Variants in FAF1 observed in about 807,000 individuals in gnomAD.
The protein encoded by FAF1 is Fas associated factor 1.
A neutral mutation model predicts 92.5 loss-of-function variants in FAF1; 25 were observed. The ratio of observed to expected loss-of-function variants is 0.27; its 90% CI spans 0.20 to 0.38. The LOEUF (loss-of-function observed/expected upper bound fraction) is 0.38, where lower values mean the gene tolerates loss of function less well. FAF1 is among the 10% of genes least tolerant of loss of function. FAF1 has a pLI of 1.00. For synonymous variants in FAF1, 234 were observed against 273.2 expected, an observed-to-expected ratio of 0.86 and a Z score of 1.42; for missense variants, 636 against 793.3, an observed-to-expected ratio of 0.80 and a Z score of 2.38.
chr1:50,677,317 C>T (rs1656166444), intron 7 of FAF1, among the ~76,000 whole-genome samples: 1 of 152,074 alleles, frequency 6.6e-6, no homozygotes, highest in Non-Finnish European at 1.5e-5. Context: ...GTAGGTAACA[C>T]TTTTTTGAGG....
intron 15 of FAF1, among the ~76,000 whole-genome samples, chr1:50,524,506 T>C (rs1647689720): frequency 6.6e-6 from 1 of 152,248 alleles, no homozygotes. Flanking sequence ...TCTAGGGTTT[T>C]TATAGTTTTG....
chr1:50,551,791 C>T (rs1387369758), intron 13 of FAF1, among the ~76,000 whole-genome samples: 2 of 152,176 alleles, frequency 1.3e-5, no homozygotes, highest in Non-Finnish European at 2.9e-5. Context: ...GAAATTCAAT[C>T]TGTAGAATGC....
intron 1 of FAF1, among the ~76,000 whole-genome samples, chr1:50,928,483 T>C (rs1378586535): frequency 6.6e-6 from 1 of 152,126 alleles, no homozygotes; most frequent in Admixed American, 6.6e-5. Context: ...GTGTTCTGTA[T>C]TTAAAAACTG....
chr1:50,910,301 G>C (rs1644874369), intron 1 of FAF1, among the ~76,000 whole-genome samples: 1 of 152,216 alleles, frequency 6.6e-6, no homozygotes, highest in Non-Finnish European at 1.5e-5. Flanking sequence ...CTACTGGGAG[G>C]TGTCTCCCAG....
chr1:50,538,467 G>A (rs1393257600), intron 14 of FAF1, among the ~76,000 whole-genome samples: 2 of 151,160 alleles, frequency 1.3e-5, no homozygotes, highest in Non-Finnish European at 2.9e-5. Flanking sequence ...TTTGTGTTAT[G>A]GCTTTGATTC....
At chr1:50,673,461 T>C (rs1013629479) in intron 7 of FAF1, among the ~76,000 whole-genome samples, 5 of 152,200 alleles carry the variant, frequency 3.3e-5, no homozygotes, top group African/African-American at 9.7e-5. Context: ...TATTATTTTG[T>C]AGTAGTGACT....
chr1:50,792,497 T>A (rs1433484168), intron 3 of FAF1, among the ~76,000 whole-genome samples: 3 of 152,300 alleles, frequency 2.0e-5, no homozygotes, highest in African/African-American at 7.2e-5. Context: ...CTCTTAATAG[T>A]TTACTATTGG....
chr1:50,514,579 T>TA (rs1310867146), intron 15 of FAF1, among the ~76,000 whole-genome samples: 1 of 152,190 alleles, frequency 6.6e-6, no homozygotes, highest in Non-Finnish European at 1.5e-5. Flanking sequence ...TGTAGGACTA[T>TA]AAAAACAGAG....
intron 7 of FAF1, among the ~76,000 whole-genome samples, chr1:50,692,298 G>A (rs1656972783): frequency 8.0e-6 from 1 of 124,432 alleles, no homozygotes; most frequent in African/African-American, 3.0e-5. Context: ...TGTGTGGTGG[G>A]AACATTTAAA....
intron 1 of FAF1, among the ~76,000 whole-genome samples, chr1:50,895,375 AG>A (rs1430993621): frequency 6.6e-6 from 1 of 152,196 alleles, no homozygotes; most frequent in Non-Finnish European, 1.5e-5. Flanking sequence ...TGCAATAAAA[AG>A]TCTGCCAGAA....
chr1:50,760,818 G>T (rs1343212216), intron 4 of FAF1, among the ~76,000 whole-genome samples: 4 of 151,970 alleles, frequency 2.6e-5, no homozygotes, highest in African/African-American at 9.7e-5. Context: ...GCCAGCAGAA[G>T]GCAAGAAATA....
At chr1:50,703,907 C>T (rs1000588622) in intron 7 of FAF1, among the ~76,000 whole-genome samples, 1 of 152,188 alleles carries the variant, frequency 6.6e-6, no homozygotes, top group Non-Finnish European at 1.5e-5. Context: ...TGCATTAACG[C>T]TGCTTAAACA....
chr1:50,939,320 G>A (rs2124752000), intron 1 of FAF1, among the ~76,000 whole-genome samples: 2 of 152,228 alleles, frequency 1.3e-5, no homozygotes, highest in Middle Eastern at 6.8e-3. Flanking sequence ...CATATTCTTT[G>A]TGGCTATTGT....
At chr1:50,713,344 G>A (rs1658027570) in intron 6 of FAF1, among the ~76,000 whole-genome samples, 1 of 151,838 alleles carries the variant, frequency 6.6e-6, no homozygotes, top group Non-Finnish European at 1.5e-5. Flanking sequence ...CACGATCTAG[G>A]TTCACTGCAA....
At chr1:50,834,531 A>C (rs558455878) in intron 2 of FAF1, among the ~76,000 whole-genome samples, 132 of 152,368 alleles carry the variant, frequency 8.7e-4, no homozygotes, top group African/African-American at 3.0e-3. Context: ...CCAAGAGACC[A>C]AGGCCAAATT....
chr1:50,797,631 C>T (rs777651017), intron 3 of FAF1, among the ~76,000 whole-genome samples: 13 of 152,084 alleles, frequency 8.5e-5, no homozygotes, highest in East Asian at 1.9e-4. Context: ...TCCAGGAAGT[C>T]GAGGCTGCAG....
intron 7 of FAF1, among the ~76,000 whole-genome samples, chr1:50,697,154 C>T (rs762491074): frequency 1.3e-5 from 2 of 152,054 alleles, no homozygotes; most frequent in African/African-American, 4.8e-5. Flanking sequence ...TCAAGATTTC[C>T]GCAAACAATT....
intron 6 of FAF1, among the ~76,000 whole-genome samples, chr1:50,710,648 G>A (rs906483626): frequency 3.3e-5 from 5 of 151,864 alleles, no homozygotes; most frequent in African/African-American, 1.2e-4. Context: ...TGTCACCCAG[G>A]CTGGAGTGCA....
chr1:50,668,706 C>T (rs1655740334), intron 7 of FAF1, among the ~76,000 whole-genome samples: 1 of 152,144 alleles, frequency 6.6e-6, no homozygotes, highest in Admixed American at 6.5e-5. Flanking sequence ...TACGACTGGC[C>T]TTTAATTAAG....
Sources: allele counts gnomAD v4.1 joint callset (sites outside exome capture counted in the v4.1 genomes callset), GRCh38; gene constraint gnomAD v4.1.1; transcripts MANE v1.5; gene names NCBI Gene and HGNC (gene_info 2026-07-23, HGNC 2026-07-21).